The following HIVEP3 variants were observed in gnomAD, a reference collection of about 807,000 sequenced individuals.
HIVEP3 encodes transcription factor HIVEP3.
In HIVEP3, 49 loss-of-function variants were observed where a neutral mutation model predicts 152.8. That is an observed-to-expected ratio of 0.32 (90% CI 0.26 to 0.41). The LOEUF is 0.41. Among genes scored for constraint, HIVEP3 ranks in the 10% least tolerant of loss-of-function variants. HIVEP3 has a pLI of 1.00. For missense variants in HIVEP3, 2,790 were observed against 3,103.3 expected (o/e 0.90, Z 2.40); for synonymous variants, 1,269 against 1,289.0 (o/e 0.98, Z 0.33).
chr1:41,615,586 T>C (rs1459707894), intron 3 of HIVEP3, among the ~76,000 whole-genome samples: 2 of 152,088 alleles, frequency 1.3e-5, no homozygotes, highest in Non-Finnish European at 2.9e-5. Flanking sequence ...GACATTTAGA[T>C]GTAACCAAAG....
Position 41,584,320 on chromosome 1 carries a change from C to G in HIVEP3, c.478G>C (p.Val160Leu). 1.2e-6 allele frequency: 2 copies of G among 1,613,836 alleles called. No individual in the cohort carries two copies. The highest frequency in any genetic ancestry group is 1.7e-6 in the Non-Finnish European group (2 of 1,179,902). ...SIIPPEDLPG[V>L]PKVFVPRPSQ... Reference sequence around the variant, plus strand: ...GGACGAGGCACGAAGACTTTGGGGACTCCAGGAAGGTCCTCGGGGGGAATG... The same window carrying G: ...GGACGAGGCACGAAGACTTTGGGGAGTCCAGGAAGGTCCTCGGGGGGAATG... The change falls in exon 4 of 9, where the codon GTC becomes CTC. Residue 160 changes from valine (V) to leucine (L), a missense_variant. Physicochemically the swap from Val to Leu is conservative, Grantham distance 32. Around this residue, in one of 9 missense-constraint regions of HIVEP3, gnomAD observed 209 missense variants for 237.0 expected, o/e 0.88. Coordinates refer to ENST00000372583, the MANE Select transcript of HIVEP3 (RefSeq NM_024503.5). The surrounding 1 kb of genome is among the most constrained non-coding windows in gnomAD (Gnocchi z 5.2).
intron 1 of HIVEP3, among the ~76,000 whole-genome samples, chr1:41,851,935 A>AAAGTCATGT (rs888815400): frequency 6.6e-6 from 1 of 152,214 alleles, no homozygotes; most frequent in African/African-American, 2.4e-5. Flanking sequence ...AAACCCTCAA[A>AAAGTCATGT]AAGTCATGTA....
intron 1 of HIVEP3, among the ~76,000 whole-genome samples, chr1:41,939,566 G>A (rs1054472825): frequency 3.9e-5 from 6 of 152,112 alleles, no homozygotes; most frequent in African/African-American, 1.4e-4. Context: ...CTGGTAAGAC[G>A]AGGGAAGTCA....
chr1:41,912,082 C>A (rs546213025), intron 1 of HIVEP3, among the ~76,000 whole-genome samples: 1 of 152,148 alleles, frequency 6.6e-6, no homozygotes, highest in East Asian at 1.9e-4. Flanking sequence ...CATAACTAGA[C>A]AATATATTGT....
At chr1:41,578,102 T>A (rs1411450710) in intron 4 of HIVEP3, among the ~76,000 whole-genome samples, 1 of 152,210 alleles carries the variant, frequency 6.6e-6, no homozygotes, top group Non-Finnish European at 1.5e-5. Context: ...TAAAATCTAG[T>A]TTTGATCTAG....
chr1:41,537,798 T>C (rs776604360), intron 5 of HIVEP3, among the ~76,000 whole-genome samples: 8 of 152,172 alleles, frequency 5.3e-5, no homozygotes, highest in Non-Finnish European at 1.0e-4. Context: ...ACGCTCAGGC[T>C]GGGGGCCATT....
At chr1:41,771,631 A>G (rs1648376393) in intron 1 of HIVEP3, among the ~76,000 whole-genome samples, 1 of 151,948 alleles carries the variant, frequency 6.6e-6, no homozygotes, top group Non-Finnish European at 1.5e-5. Context: ...TGTTGCTCTC[A>G]GGAACTGACA....
At chr1:41,808,026 T>C (rs941799655) in intron 1 of HIVEP3, among the ~76,000 whole-genome samples, 2 of 152,178 alleles carry the variant, frequency 1.3e-5, no homozygotes, top group Admixed American at 1.3e-4. Context: ...ACAAATCTGA[T>C]AATATTATCA....
intron 2 of HIVEP3, among the ~76,000 whole-genome samples, chr1:41,678,641 A>G (rs1047224564): frequency 6.7e-6 from 1 of 150,366 alleles, no homozygotes; most frequent in African/African-American, 2.5e-5. Flanking sequence ...CCCACACATC[A>G]AAGCAACTTG....
At chr1:41,989,008 C>T (rs1645340859) in intron 1 of HIVEP3, among the ~76,000 whole-genome samples, 1 of 152,136 alleles carries the variant, frequency 6.6e-6, no homozygotes, top group Non-Finnish European at 1.5e-5. Flanking sequence ...TATGTGGAAT[C>T]TAAAAGTCAA....
At chr1:41,784,193 A>C (rs1338204671) in intron 1 of HIVEP3, among the ~76,000 whole-genome samples, 1 of 152,180 alleles carries the variant, frequency 6.6e-6, no homozygotes, top group Non-Finnish European at 1.5e-5. Context: ...AGGATATGGA[A>C]GCCACTAGCC....
intron 1 of HIVEP3, among the ~76,000 whole-genome samples, chr1:41,857,119 C>T (rs977354062): frequency 6.6e-6 from 1 of 152,082 alleles, no homozygotes; most frequent in East Asian, 1.9e-4. Context: ...CTGAGTTCTG[C>T]CCAACTCAGT....
rs1203158749 is a variant in HIVEP3, at chr1:41,918,116, G to A, written c.-801+297C>T. Among the ~76,000 whole-genome samples, 1 of 147,014 alleles carries A rather than the reference G, an allele frequency of 6.8e-6. No homozygotes were observed. The highest frequency in any genetic ancestry group is 1.5e-5 in the Non-Finnish European group (1 of 66,410). ...CGCATAGGGTTACAGCCCCGCCGCC[G>A]CCGCCGCCGCCGCCGCCTGTGATTG... On this transcript the variant is annotated intron_variant, in intron 1 of 8. Coordinates refer to ENST00000372583, the MANE Select transcript of HIVEP3 (RefSeq NM_024503.5). The surrounding 1 kb of genome is among the most constrained non-coding windows in gnomAD (Gnocchi z 4.3).
chr1:41,527,610 C>T (rs1558030218), intron 5 of HIVEP3, among the ~76,000 whole-genome samples: 1 of 142,966 alleles, frequency 7.0e-6, no homozygotes, highest in Non-Finnish European at 1.5e-5. Flanking sequence ...GCATACTCTA[C>T]TCCCCACCCT....
intron 1 of HIVEP3, among the ~76,000 whole-genome samples, chr1:41,959,180 G>A (rs1645156199): frequency 6.6e-6 from 1 of 152,120 alleles, no homozygotes; most frequent in Admixed American, 6.5e-5. Flanking sequence ...CAAACCGCTA[G>A]CCACAAAAGC....
At chr1:41,624,823 C>A (rs777709764) in intron 3 of HIVEP3, among the ~76,000 whole-genome samples, 3 of 152,170 alleles carry the variant, frequency 2.0e-5, no homozygotes, top group Admixed American at 6.5e-5. Flanking sequence ...GGCTTTAAGG[C>A]AAGCTGTTAA....
chr1:41,658,278 T>C (rs938315315), intron 2 of HIVEP3, among the ~76,000 whole-genome samples: 6 of 152,252 alleles, frequency 3.9e-5, no homozygotes, highest in Non-Finnish European at 7.3e-5. Context: ...TCTTTGTTAA[T>C]GGCAATTATT....
At chr1:41,562,946 C>G (rs556385397) in intron 5 of HIVEP3, among the ~76,000 whole-genome samples, 3 of 152,122 alleles carry the variant, frequency 2.0e-5, no homozygotes, top group African/African-American at 7.2e-5. Context: ...GACTCTCCCC[C>G]CACCCACCCC....
At chr1:41,605,143 A>G in intron 3 of HIVEP3, among the ~76,000 whole-genome samples, 1 of 113,918 alleles carries the variant, frequency 8.8e-6, no homozygotes, top group African/African-American at 3.3e-5. Flanking sequence ...AAGGGAAGGG[A>G]AGGGAAGCGG....
Sources: gnomAD v4.1 joint callset for allele counts (sites outside exome capture counted in the v4.1 genomes callset) on GRCh38, gnomAD v4.1.1 for gene constraint, gnomAD v4.1.1 regional missense constraint, Gnocchi (gnomAD v3.1) non-coding constraint, MANE v1.5 for transcripts, NCBI Gene and HGNC (gene_info 2026-07-23, HGNC 2026-07-21) for gene names.